ATXN1: variants seen among roughly 807,000 people sequenced by gnomAD.
ATXN1 encodes ataxin 1.
In ATXN1, 8 loss-of-function variants were observed where a neutral mutation model predicts 56.4. The ratio of observed to expected loss-of-function variants is 0.14; its 90% CI spans 0.08 to 0.26. The LOEUF (loss-of-function observed/expected upper bound fraction) is 0.26. Ranked by LOEUF, ATXN1 falls within the 10% of genes least tolerant of loss-of-function variation. The pLI is 1.00. For missense variants in ATXN1, 987 were observed against 1,106.5 expected (o/e 0.89, Z 1.53); for synonymous variants, 514 against 494.6 (o/e 1.04, Z -0.52).
chr6:16,645,612 A>G (rs1484426165), intron 3 of ATXN1, among the ~76,000 whole-genome samples: 1 of 152,196 alleles, frequency 6.6e-6, no homozygotes, highest in Non-Finnish European at 1.5e-5. Flanking sequence ...ACCATCTCCA[A>G]GCAGCATTAC....
intron 2 of ATXN1, among the ~76,000 whole-genome samples, chr6:16,689,218 G>C (rs926575139): frequency 6.6e-6 from 1 of 152,182 alleles, no homozygotes; most frequent in Non-Finnish European, 1.5e-5. Flanking sequence ...GACTCATGAG[G>C]AAAGCAAGTC....
intron 2 of ATXN1, among the ~76,000 whole-genome samples, chr6:16,723,476 C>T (rs934852059): frequency 6.6e-6 from 1 of 152,134 alleles, no homozygotes. Flanking sequence ...AGAGACAAAA[C>T]TCAAGTACAA....
At chr6:16,505,545 T>C (rs1760967873) in intron 5 of ATXN1, among the ~76,000 whole-genome samples, 1 of 152,164 alleles carries the variant, frequency 6.6e-6, no homozygotes, top group Admixed American at 6.5e-5. Context: ...AGCAATGAGA[T>C]TTTGAAATTT....
intron 7 of ATXN1, among the ~76,000 whole-genome samples, chr6:16,308,332 A>T (rs1475237099): frequency 1.5e-5 from 2 of 137,580 alleles, no homozygotes; most frequent in South Asian, 6.0e-4. Context: ...TCACACACAC[A>T]CACACACACA....
At chr6:16,706,560 T>C (rs923389250) in intron 2 of ATXN1, among the ~76,000 whole-genome samples, 3 of 151,820 alleles carry the variant, frequency 2.0e-5, no homozygotes, top group Non-Finnish European at 4.4e-5. Context: ...CTGTCTCTAC[T>C]AAAAACACAA....
intron 7 of ATXN1, among the ~76,000 whole-genome samples, chr6:16,314,556 T>C (rs76177153): frequency 0.022 from 3,390 of 152,286 alleles, 120 homozygotes; most frequent in African/African-American, 0.074. Flanking sequence ...GTGAATTCCT[T>C]GAATTTAAAA....
chr6:16,409,666 A>AG (rs1758758132), intron 6 of ATXN1, among the ~76,000 whole-genome samples: 1 of 151,736 alleles, frequency 6.6e-6, no homozygotes, highest in Admixed American at 6.5e-5. Flanking sequence ...AAAAAAAAAA[A>AG]AAAAGAACTC....
chr6:16,413,102 T>C (rs1302967333), intron 6 of ATXN1, among the ~76,000 whole-genome samples: 1 of 152,240 alleles, frequency 6.6e-6, no homozygotes, highest in Non-Finnish European at 1.5e-5. Flanking sequence ...AAATAGCACT[T>C]GCTGAGCACT....
chr6:16,589,952 C>A (rs192729401), intron 3 of ATXN1, among the ~76,000 whole-genome samples: 17 of 152,288 alleles, frequency 1.1e-4, no homozygotes, highest in Admixed American at 8.5e-4. Flanking sequence ...GGAAGCAAAG[C>A]ATCAACAACA....
rs149862735 is a variant in ATXN1 at position 16,740,373 on chromosome 6, G to A, written c.-615+12860C>T. Among the ~76,000 whole-genome samples the A allele has an allele frequency of 4.9e-4, 74 of 152,256 alleles. 1 individual carries two copies. Among genetic ancestry groups the A allele is most frequent in the African/African-American group, 1.7e-3 (70 of 41,562 alleles). ...AGCAGAATAAAGCTGATTCACAGGT[G>A]GCTGGAAGAGCTTCTTCTAATCTCT... On this transcript the variant is annotated intron_variant, in intron 2 of 7. Coordinates refer to ENST00000436367, the MANE Select transcript of ATXN1 (RefSeq NM_001128164.2).
chr6:16,349,907 G>C (rs1358182628), intron 6 of ATXN1, among the ~76,000 whole-genome samples: 1 of 152,170 alleles, frequency 6.6e-6, no homozygotes, highest in Non-Finnish European at 1.5e-5. Flanking sequence ...TGGCTTATTT[G>C]AACGCAGAAC....
chr6:16,537,433 G>A (rs1449889859), intron 4 of ATXN1, among the ~76,000 whole-genome samples: 4 of 151,986 alleles, frequency 2.6e-5, no homozygotes, highest in Non-Finnish European at 4.4e-5. Flanking sequence ...GGCCGGGCGC[G>A]GTGGCTCACG....
chr6:16,505,216 AAAG>A (rs2113678296), intron 5 of ATXN1, among the ~76,000 whole-genome samples: 1 of 152,254 alleles, frequency 6.6e-6, no homozygotes, highest in East Asian at 1.9e-4. Flanking sequence ...TCCTTGCCTG[AAAG>A]AAGAAAACAT....
intron 6 of ATXN1, among the ~76,000 whole-genome samples, chr6:16,448,171 C>T (rs1344622648): frequency 6.6e-6 from 1 of 152,100 alleles, no homozygotes; most frequent in Non-Finnish European, 1.5e-5. Flanking sequence ...TTTTCCTGCC[C>T]ATCTCCTCCC....
At chr6:16,754,194 T>C (rs986394381) in intron 1 of ATXN1, 3 of 152,282 alleles carry the variant, frequency 2.0e-5, no homozygotes, top group Middle Eastern at 3.4e-3. Flanking sequence ...TTACCAATTA[T>C]CCACATTAAA....
chr6:16,353,136 T>C (rs1474973764), intron 6 of ATXN1, among the ~76,000 whole-genome samples: 1 of 152,168 alleles, frequency 6.6e-6, no homozygotes, highest in Non-Finnish European at 1.5e-5. Flanking sequence ...ATTTCTGGAA[T>C]TTTCCATTTC....
At chr6:16,320,628 A>G (rs1415949282) in intron 7 of ATXN1, among the ~76,000 whole-genome samples, 1 of 152,258 alleles carries the variant, frequency 6.6e-6, no homozygotes, top group East Asian at 1.9e-4. Flanking sequence ...AGCTGGGGCC[A>G]TCCTGGGCAG....
At chr6:16,575,960 C>A (rs1366759455) in intron 4 of ATXN1, among the ~76,000 whole-genome samples, 1 of 152,176 alleles carries the variant, frequency 6.6e-6, no homozygotes, top group Non-Finnish European at 1.5e-5. Context: ...AGCAGGTACT[C>A]CAAGCCCCTG....
chr6:16,354,858 AC>A (rs1761652261), intron 6 of ATXN1, among the ~76,000 whole-genome samples: 1 of 152,228 alleles, frequency 6.6e-6, no homozygotes, highest in Non-Finnish European at 1.5e-5. Flanking sequence ...AAGAAACTCT[AC>A]AGAGTGGAGC....
Sources: allele counts gnomAD v4.1 joint callset (sites outside exome capture counted in the v4.1 genomes callset), GRCh38; gene constraint gnomAD v4.1.1; transcripts MANE v1.5; gene names NCBI Gene and HGNC (gene_info 2026-07-23, HGNC 2026-07-21).